AHNAK: variants seen among roughly 807,000 people sequenced by gnomAD.
The protein encoded by AHNAK is neuroblast differentiation-associated protein AHNAK.
Under a neutral mutation model 37.8 loss-of-function variants are expected in AHNAK, and 23 were observed. That is an observed-to-expected ratio of 0.61 (90% CI 0.44 to 0.86). AHNAK has a LOEUF of 0.86. Ranked by LOEUF, AHNAK falls within the 40% of genes least tolerant of loss-of-function variation. AHNAK has a pLI of 0.00. For missense variants in AHNAK, 7,411 were observed against 7,319.4 expected, an observed-to-expected ratio of 1.01 and a Z score of -0.46; for synonymous variants, 2,481 against 2,636.3, an observed-to-expected ratio of 0.94 and a Z score of 1.80.
At chr11:62,436,666 G>T (rs897400963) in intron 5 of AHNAK, among the ~76,000 whole-genome samples, 7 of 151,560 alleles carry the variant, frequency 4.6e-5, no homozygotes, top group Admixed American at 1.3e-4. Flanking sequence ...GCCGGGCGCA[G>T]TGGCTCACGC....
rs746230403 is a variant in AHNAK, at chr11:62,529,969, G to A, written c.4448C>T (p.Pro1483Leu). The A allele has an allele frequency of 1.2e-6, 2 of 1,613,472 alleles. No homozygotes were observed. Among genetic ancestry groups the A allele is most frequent in the Non-Finnish European group, 1.7e-6 (2 of 1,179,892 alleles). ...VPKVEGEIKAPDVDIKGPKVD... is the reference protein window; with the variant it reads ...VPKVEGEIKALDVDIKGPKVD... ...TTTGGGGCCTTTGATGTCAACATCA[G>A]GAGCTTTTATCTCTCCTTCTACTTT... The change falls in exon 5 of 5, where the codon CCT (proline) becomes CTT (leucine). Residue 1483 changes from proline to leucine, a missense_variant. Physicochemically the swap from Pro to Leu is moderately conservative, Grantham distance 98. Coordinates refer to ENST00000378024, the MANE Select transcript of AHNAK (RefSeq NM_001620.3).
intron 5 of AHNAK, among the ~76,000 whole-genome samples, chr11:62,464,270 C>G (rs1055698505): frequency 1.3e-5 from 2 of 150,316 alleles, no homozygotes; most frequent in African/African-American, 4.9e-5. Flanking sequence ...GTTGATCCGG[C>G]TGGTCTCAAA....
At chr11:62,514,942 C>T (rs1253538522), downstream of AHNAK, among the ~76,000 whole-genome samples, 2 of 152,186 alleles carry the variant, frequency 1.3e-5, no homozygotes, top group African/African-American at 4.8e-5. Flanking sequence ...TATTTTATCT[C>T]TGTTCTGGGG....
At position 62,525,470 on chromosome 11, in the gene AHNAK, T is replaced by G. The variant is rs759963855; in HGVS notation, c.8947A>C (p.Ile2983Leu). 3 of 1,608,810 alleles carry G rather than the reference T, an allele frequency of 1.9e-6. No homozygotes were observed. The East Asian group carries it at 6.8e-5, about 36-fold the overall frequency. ...TCACCTTCCACTTTGGGCAGAGAAA[T>G]ATCCACATCGCCCTTCACCTTGGGA... The part of the protein sequence containing the change: ...KGPKVKGDVD[I>L]SLPKVEGDLK... The change falls in exon 5 of 5, where the codon ATT becomes CTT. Residue 2983 changes from isoleucine to leucine, a missense_variant. By Grantham distance (5) the Ile-to-Leu change is conservative (BLOSUM62 2). Coordinates refer to ENST00000378024, the MANE Select transcript of AHNAK (RefSeq NM_001620.3).
downstream of AHNAK, among the ~76,000 whole-genome samples, chr11:62,513,259 G>A (rs1464417515): frequency 2.6e-5 from 4 of 152,138 alleles, no homozygotes; most frequent in Admixed American, 1.3e-4. Flanking sequence ...GGGATAGGCC[G>A]GGCGCCATGG....
intron 1 of AHNAK, among the ~76,000 whole-genome samples, chr11:62,539,298 A>G (rs1198204485): frequency 6.6e-6 from 1 of 152,098 alleles, no homozygotes; most frequent in African/African-American, 2.4e-5. Flanking sequence ...AACTGAAGCC[A>G]CTCCTTCAGA....
chr11:62,448,103 G>C (rs1311781786), intron 5 of AHNAK, among the ~76,000 whole-genome samples: 1 of 152,068 alleles, frequency 6.6e-6, no homozygotes, highest in Non-Finnish European at 1.5e-5. Context: ...GTGAACCCTG[G>C]ATGAAGACCT....
At position 62,533,191 on chromosome 11, in the gene AHNAK, G is replaced by C. The variant is rs756911120; in HGVS notation, c.1226C>G (p.Thr409Ser). Residue 409 changes from threonine (T) to serine (S), a missense_variant, in exon 5 of 5, where the codon ACT (threonine) becomes AGT (serine). Physicochemically the swap from Thr to Ser is moderately conservative, Grantham distance 58. Coordinates refer to ENST00000378024, the MANE Select transcript of AHNAK (RefSeq NM_001620.3). ...GGCCTGAACTTCCACACTGGGGCCA[G>C]TGATGCTACCCCCAATTTGGGGAGC... The part of the protein sequence containing the change: ...ASAPQIGGSI[T>S]GPSVEVQAPD... 2.9e-5 allele frequency: 44 copies of C among 1,529,210 alleles called. 2 individuals carry two copies. The South Asian group carries it at 5.4e-4, about 19-fold the overall frequency. The allele number at this position is 1,529,210 out of a possible 1,614,324, so 94.7% of individuals were successfully genotyped here.
chr11:62,536,237 A>C, intron 2 of AHNAK, 139 bp from the exon 3 acceptor site: 2 of 876,082 alleles, frequency 2.3e-6, no homozygotes, highest in Non-Finnish European at 3.3e-6. Context: ...CAGCTGGCTC[A>C]CCTGCCAGGT....
At chr11:62,465,486 G>A (rs565428604) in intron 5 of AHNAK, among the ~76,000 whole-genome samples, 13 of 151,948 alleles carry the variant, frequency 8.6e-5, no homozygotes, top group African/African-American at 2.4e-4. Flanking sequence ...TGTGGCAGGC[G>A]CCTGTAATCC....
At position 62,516,079 on chromosome 11, in the gene AHNAK, A is replaced by C; in HGVS notation, c.*665T>G. The C allele has an allele frequency of 9.0e-6, 11 of 1,220,936 alleles. No individual in the cohort carries two copies. The highest frequency in any genetic ancestry group is 1.2e-5 in the Non-Finnish European group (11 of 953,322). The allele number at this position is 1,220,936 out of a possible 1,614,324, so 75.6% of individuals were successfully genotyped here. A position where few individuals can be genotyped will look rare whatever the true frequency, so the allele number is the denominator to read the frequency against. ...AGGAAACAGTTCCCTTACAAAACAC[A>C]GAAAATGGAAGCCCCTCATGTTGAG... is the stretch of plus-strand genomic sequence containing the variant. On this transcript the variant is annotated 3_prime_UTR_variant, in exon 5 of 5. Coordinates refer to ENST00000378024, the MANE Select transcript of AHNAK (RefSeq NM_001620.3).
At chr11:62,481,104 G>GTT (rs1369783242) in intron 5 of AHNAK, among the ~76,000 whole-genome samples, 5 of 43,866 alleles carry the variant, frequency 1.1e-4, no homozygotes, top group African/African-American at 1.9e-4. Flanking sequence ...TTTTTTTTTG[G>GTT]TTTTTTTTTT....
chr11:62,535,243 C>A (rs778790495), intron 3 of AHNAK, 53 bp from the exon 4 acceptor site: 3 of 1,512,588 alleles, frequency 2.0e-6, no homozygotes, highest in South Asian at 2.4e-5. Flanking sequence ...TCAGGGAAAC[C>A]GCACACAGCC....
intron 5 of AHNAK, among the ~76,000 whole-genome samples, chr11:62,452,159 C>G (rs910663866): frequency 6.6e-6 from 1 of 152,136 alleles, no homozygotes; most frequent in African/African-American, 2.4e-5. Flanking sequence ...AAATCCCACC[C>G]CAAAGAGAGT....
At chr11:62,496,759 C>T (rs1939617248) in intron 4 of AHNAK, among the ~76,000 whole-genome samples, 1 of 151,500 alleles carries the variant, frequency 6.6e-6, no homozygotes, top group Admixed American at 6.6e-5. Context: ...CGCATCACTG[C>T]ACTCCAGCCT....
intron 5 of AHNAK, among the ~76,000 whole-genome samples, chr11:62,439,529 CCTT>C (rs1280264199): frequency 7.9e-5 from 12 of 152,234 alleles, no homozygotes; most frequent in African/African-American, 2.9e-4. Context: ...TGTCCAATCT[CCTT>C]CATAAACCCT....
intron 5 of AHNAK, among the ~76,000 whole-genome samples, chr11:62,449,370 C>A (rs1267886572): frequency 6.6e-6 from 1 of 152,170 alleles, no homozygotes; most frequent in African/African-American, 2.4e-5. Flanking sequence ...GGGTCTGCCC[C>A]CTGCTCAGCT....
intron 5 of AHNAK, among the ~76,000 whole-genome samples, chr11:62,487,982 C>T (rs1565211373): frequency 6.6e-6 from 1 of 152,074 alleles, no homozygotes; most frequent in Non-Finnish European, 1.5e-5. Flanking sequence ...GGGAAAGAGG[C>T]GTCTCTGGCA....
chr11:62,484,386 T>C (rs1019656941), intron 5 of AHNAK, among the ~76,000 whole-genome samples: 16 of 151,996 alleles, frequency 1.1e-4, no homozygotes, highest in African/African-American at 3.9e-4. Context: ...ACCCTGTCTC[T>C]GAATAAATAA....
Sources: gnomAD v4.1 joint callset for allele counts (sites outside exome capture counted in the v4.1 genomes callset) on GRCh38, gnomAD v4.1.1 for gene constraint, MANE v1.5 for transcripts, NCBI Gene and HGNC (gene_info 2026-07-23, HGNC 2026-07-21) for gene names.